The following FSTL1 variants were observed in gnomAD, a reference collection of about 807,000 sequenced individuals.
FSTL1 encodes follistatin-related protein 1.
In FSTL1, 24 loss-of-function variants were observed where a neutral mutation model predicts 45.9. That is an observed-to-expected ratio of 0.52 (90% CI 0.38 to 0.74). FSTL1 has a LOEUF of 0.74. FSTL1 is among the 30% of genes least tolerant of loss of function. FSTL1 has a pLI of 0.00. For synonymous variants in FSTL1, 120 were observed against 137.6 expected (o/e 0.87, Z 0.89); for missense variants, 340 against 381.8 (o/e 0.89, Z 0.91).
rs1171723625 is a variant in FSTL1 at position 120,396,320 on chromosome 3, G to A, written c.*632C>T. The A allele has an allele frequency of 1.3e-5, 2 of 152,756 alleles. No homozygotes were observed. The highest frequency in any genetic ancestry group is 3.9e-4 in the East Asian group (2 of 5,178). The allele number at this position is 152,756 out of a possible 1,614,324, so 9.5% of individuals were successfully genotyped here. On this transcript the variant is annotated 3_prime_UTR_variant, in exon 11 of 11. Transcript: ENST00000295633. ...AGAGAAATAGCACCTTTGGTAAAAA[G>A]TATTTTTAAAATTTGGTTAGGTCGC...
At chr3:120,427,016 A>T (rs1048823846) in intron 2 of FSTL1, among the ~76,000 whole-genome samples, 5 of 152,196 alleles carry the variant, frequency 3.3e-5, no homozygotes, top group African/African-American at 1.2e-4. Flanking sequence ...TATGTTTTGA[A>T]ATGAGAACTC....
chr3:120,407,271 G>A lies in FSTL1; in HGVS notation c.462+2261C>T, dbSNP rs115842011. ...TGGGCTGAGACAGGCACTTGCTTGT[G>A]CACAGCAGCTGGGGCTGTGTGGGCT... is the stretch of plus-strand genomic sequence containing the variant. On this transcript the variant is annotated intron_variant, in intron 6 of 10. Coordinates refer to ENST00000295633, the MANE Select transcript of FSTL1 (RefSeq NM_007085.5). Among the ~76,000 whole-genome samples the A allele has an allele frequency of 2.4e-3, 360 of 152,354 alleles. 1 individual carries two copies. Among genetic ancestry groups the A allele is most frequent in the African/African-American group, 7.0e-3 (289 of 41,576 alleles).
At chr3:120,418,576 A>G (rs533121700) in intron 2 of FSTL1, among the ~76,000 whole-genome samples, 1 of 152,354 alleles carries the variant, frequency 6.6e-6, no homozygotes, top group East Asian at 1.9e-4. Context: ...TTATTTTCAT[A>G]TCCAGATGAC....
chr3:120,426,656 C>T (rs1262475516), intron 2 of FSTL1, among the ~76,000 whole-genome samples: 1 of 152,124 alleles, frequency 6.6e-6, no homozygotes, highest in African/African-American at 2.4e-5. Context: ...CCCCAATTTG[C>T]ACATGATTCC....
At position 120,396,500 on chromosome 3, in the gene FSTL1, T is replaced by C. The variant is rs887603466; in HGVS notation, c.*452A>G. On this transcript the variant is annotated 3_prime_UTR_variant, in exon 11 of 11. Coordinates refer to ENST00000295633, the MANE Select transcript of FSTL1 (RefSeq NM_007085.5). Reference sequence around the variant, plus strand: ...GAGATGCGTGGATGCTGGAGGTCTGTCATGCTGACGGCAATGGAAAGAGGC... The same window carrying C: ...GAGATGCGTGGATGCTGGAGGTCTGCCATGCTGACGGCAATGGAAAGAGGC... 6.2e-5 allele frequency: 10 copies of C among 160,126 alleles called. No individual in the cohort carries two copies. Among genetic ancestry groups the C allele is most frequent in the Non-Finnish European group, 1.2e-4 (9 of 73,046 alleles). 9.9% of individuals were successfully genotyped at this position (160,126 alleles called of 1,614,324 possible). A position where few individuals can be genotyped will look rare whatever the true frequency, so the allele number is the denominator to read the frequency against.
chr3:120,440,105 C>A (rs574238132), intron 2 of FSTL1, among the ~76,000 whole-genome samples: 8 of 152,214 alleles, frequency 5.3e-5, no homozygotes, highest in African/African-American at 1.9e-4. Flanking sequence ...AGAGCAAGAT[C>A]CTGTGTCAAA....
chr3:120,415,157 C>T (rs1937165790), intron 3 of FSTL1, among the ~76,000 whole-genome samples: 1 of 147,688 alleles, frequency 6.8e-6, no homozygotes, highest in Non-Finnish European at 1.5e-5. Context: ...AAAAACCCTG[C>T]ATCTCATCTA....
chr3:120,398,269 C>G (rs1169413054), intron 10 of FSTL1, among the ~76,000 whole-genome samples: 1 of 152,078 alleles, frequency 6.6e-6, no homozygotes, highest in Non-Finnish European at 1.5e-5. Flanking sequence ...TTTTTAAAAC[C>G]TGACAACATT....
At chr3:120,403,812 T>C (rs188153757) in intron 7 of FSTL1, among the ~76,000 whole-genome samples, 1 of 149,740 alleles carries the variant, frequency 6.7e-6, no homozygotes, top group Admixed American at 6.8e-5. Flanking sequence ...ATCATCCTTC[T>C]AGAAAGAGAT....
At chr3:120,412,843 CA>C (rs1351435914) in intron 3 of FSTL1, among the ~76,000 whole-genome samples, 1 of 128,472 alleles carries the variant, frequency 7.8e-6, no homozygotes, top group East Asian at 2.1e-4. Flanking sequence ...CGCGCGCACA[CA>C]CACACACACA....
intron 2 of FSTL1, among the ~76,000 whole-genome samples, chr3:120,448,302 A>G (rs942961913): frequency 6.6e-6 from 1 of 152,214 alleles, no homozygotes; most frequent in African/African-American, 2.4e-5. Flanking sequence ...TCATGATGTG[A>G]CCATTTTTGC....
chr3:120,449,579 GTTGA>G (rs772578603), intron 2 of FSTL1, among the ~76,000 whole-genome samples: 7 of 152,150 alleles, frequency 4.6e-5, no homozygotes, highest in Admixed American at 6.5e-5. Context: ...AGTAAAAACA[GTTGA>G]TTGAGTTTCC....
intron 2 of FSTL1, among the ~76,000 whole-genome samples, chr3:120,444,177 C>A (rs1309744241): frequency 1.3e-5 from 2 of 149,820 alleles, no homozygotes; most frequent in Non-Finnish European, 2.9e-5. Flanking sequence ...CCAGTTCTAT[C>A]ATCTATTACC....
chr3:120,399,286 A>G (rs1936768741), intron 10 of FSTL1, among the ~76,000 whole-genome samples: 1 of 152,216 alleles, frequency 6.6e-6, no homozygotes, highest in African/African-American at 2.4e-5. Flanking sequence ...TCCCCAAGGA[A>G]GCCTTTAACT....
At position 120,403,267 on chromosome 3, in the gene FSTL1, G is replaced by T. The variant is rs1936864076; in HGVS notation, c.669C>A (p.Asn223Lys). The change falls in exon 8 of 11, where the codon AAC becomes AAA. Residue 223 changes from asparagine to lysine, a missense_variant. Transcript: ENST00000295633. ...LSFQEFLKCL[N>K]PSFNPPEKKC... The stretch of plus-strand genomic sequence containing the variant: ...TCTTCTCAGGAGGGTTGAAAGATGG[G>T]TTGAGGCACTTGAGAAACTCTTGGA... 3.1e-6 allele frequency: 5 copies of T among 1,605,154 alleles called. No homozygotes were observed. The East Asian group carries it at 1.1e-4, about 36-fold the overall frequency.
At chr3:120,438,642 G>A (rs553648848) in intron 2 of FSTL1, among the ~76,000 whole-genome samples, 47 of 152,136 alleles carry the variant, frequency 3.1e-4, no homozygotes, top group South Asian at 2.5e-3. Context: ...TAGAATATCC[G>A]CCTCCTTTTA....
chr3:120,443,490 G>A (rs950846045), intron 2 of FSTL1, among the ~76,000 whole-genome samples: 3 of 149,788 alleles, frequency 2.0e-5, no homozygotes, highest in Non-Finnish European at 2.9e-5. Context: ...AGGATAAGAG[G>A]AAAGACAGGG....
rs773156885 is a variant in FSTL1 at position 120,399,910 on chromosome 3, T to C, written c.855A>G (p.Arg285=). 7 of 1,608,596 alleles carry C rather than the reference T, an allele frequency of 4.4e-6. No individual in the cohort carries two copies. The highest frequency in any genetic ancestry group is 4.0e-5 in the African/African-American group (3 of 74,854). The change falls in exon 10 of 11, where the codon AGA becomes AGG. Residue 285 remains arginine, a synonymous_variant. Coordinates refer to ENST00000295633, the MANE Select transcript of FSTL1 (RefSeq NM_007085.5). ...AQTQTEEEMT[R]YVQELQKHQE... is the part of the protein sequence containing the mutation. Reference sequence around the variant, plus strand: ...GATGCTTTTGGAGCTCCTGGACATATCTGGTCATCTCCTCCTCTGTCTGGG... The same window carrying C: ...GATGCTTTTGGAGCTCCTGGACATACCTGGTCATCTCCTCCTCTGTCTGGG...
chr3:120,405,253 G>GC (rs1936925883), intron 6 of FSTL1, among the ~76,000 whole-genome samples: 1 of 152,170 alleles, frequency 6.6e-6, no homozygotes, highest in African/African-American at 2.4e-5. Context: ...CTCTGACACT[G>GC]CCCTGTAGAC....
Sources: gnomAD v4.1 joint callset for allele counts (sites outside exome capture counted in the v4.1 genomes callset) on GRCh38, gnomAD v4.1.1 for gene constraint, MANE v1.5 for transcripts, NCBI Gene and HGNC (gene_info 2026-07-23, HGNC 2026-07-21) for gene names.